Variants in PDE2A observed in about 807,000 individuals in gnomAD.
The protein encoded by PDE2A is cGMP-dependent 3',5'-cyclic phosphodiesterase.
A neutral mutation model predicts 133.6 loss-of-function variants in PDE2A; 53 were observed. That is an observed-to-expected ratio of 0.40 (90% CI 0.32 to 0.50). The LOEUF (loss-of-function observed/expected upper bound fraction) is 0.50. Ranked by LOEUF, PDE2A falls within the 20% of genes least tolerant of loss-of-function variation. The probability of loss-of-function intolerance (pLI) is 0.73; values close to 1 mark genes in which losing one functional copy is unlikely to be tolerated. For synonymous variants in PDE2A, 491 were observed against 490.2 expected (o/e 1.00, Z -0.02); for missense variants, 796 against 1,232.4 (o/e 0.65, Z 5.30).
At chr11:72,646,870 C>T (rs1381446828) in intron 1 of PDE2A, among the ~76,000 whole-genome samples, 1 of 152,212 alleles carries the variant, frequency 6.6e-6, no homozygotes. Flanking sequence ...TAAATATTTA[C>T]TGAGAATGTA....
rs1405530073 is a variant in PDE2A at position 72,597,646 on chromosome 11, G to T, written c.324-27C>A. 6.8e-7 allele frequency: 1 copy of T among 1,471,458 alleles called. No homozygotes were observed. The highest frequency in any genetic ancestry group is 9.5e-7 in the Non-Finnish European group (1 of 1,055,420). 91.2% of individuals were successfully genotyped at this position (1,471,458 alleles called of 1,614,324 possible). ...TGAAAAGAGGACATGATGCCACCTT[G>T]AGAGCCCCCGACTCAGGGAGGAACG... On this transcript the variant is annotated intron_variant, in intron 4 of 30. Transcript: ENST00000334456. The surrounding 1 kb of genome is among the most constrained non-coding windows in gnomAD (Gnocchi z 4.6).
At chr11:72,631,067 T>C in intron 2 of PDE2A, 1 of 1,146,928 alleles carries the variant, frequency 8.7e-7, no homozygotes, top group South Asian at 1.3e-5. Context: ...CTCCCTCCAC[T>C]GAGCTCTCAC....
chr11:72,621,535 G>A (rs1407098068), intron 2 of PDE2A, among the ~76,000 whole-genome samples: 1 of 152,194 alleles, frequency 6.6e-6, no homozygotes, highest in South Asian at 2.1e-4. Context: ...AGTCATTTCA[G>A]GGTCCACAGC....
At chr11:72,641,465 A>T (rs115525047) in intron 2 of PDE2A, among the ~76,000 whole-genome samples, 1 of 152,230 alleles carries the variant, frequency 6.6e-6, no homozygotes, top group African/African-American at 2.4e-5. Context: ...AGACCTAGAG[A>T]AACAGGAGAG....
intron 2 of PDE2A, among the ~76,000 whole-genome samples, chr11:72,609,367 G>A (rs946852870): frequency 6.6e-6 from 1 of 152,156 alleles, no homozygotes; most frequent in African/African-American, 2.4e-5. Context: ...GCTGGGTCCC[G>A]CTCACTTTCC....
At chr11:72,633,109 G>A (rs1047353078) in intron 2 of PDE2A, among the ~76,000 whole-genome samples, 4 of 152,090 alleles carry the variant, frequency 2.6e-5, no homozygotes, top group African/African-American at 4.8e-5. Context: ...CTCCATAGCC[G>A]CCAGTTAGAG....
Position 72,674,137 on chromosome 11 carries a change from G to C in PDE2A, c.71C>G (p.Pro24Arg). 1 of 1,613,084 alleles carries C rather than the reference G, an allele frequency of 6.2e-7. No individual in the cohort carries two copies. Among genetic ancestry groups the C allele is most frequent in the Non-Finnish European group, 8.5e-7 (1 of 1,179,678 alleles). ...CACCCCAGCCCCTCACTATACTCAC[G>C]GCTCAGCCGGTCGCGCTGCCGGGTA... ...QQYPAARPAE[P>R]RGQQVFLKPD... The change falls in exon 1 of 31, where the codon CCG becomes CGG. Residue 24 changes from proline to arginine, a missense_variant and splice_region_variant. By Grantham distance (103) the Pro-to-Arg change is moderately radical. Coordinates refer to ENST00000334456, the MANE Select transcript of PDE2A (RefSeq NM_002599.5).
chr11:72,623,128 C>T (rs1857863789), intron 2 of PDE2A, among the ~76,000 whole-genome samples: 1 of 152,194 alleles, frequency 6.6e-6, no homozygotes, highest in African/African-American at 2.4e-5. Context: ...TCTTCACCTC[C>T]CTCACCATCC....
intron 2 of PDE2A, among the ~76,000 whole-genome samples, chr11:72,627,991 G>C (rs1257986757): frequency 6.6e-6 from 1 of 152,238 alleles, no homozygotes; most frequent in South Asian, 2.1e-4. Flanking sequence ...ATCCCAGGAG[G>C]GTGTGCTGAA....
Position 72,578,620 on chromosome 11 carries a change from C to T in PDE2A, c.2470-106G>A. 1 of 1,019,330 alleles carries T rather than the reference C, an allele frequency of 9.8e-7. No individual in the cohort carries two copies. The allele number at this position is 1,019,330 out of a possible 1,614,324, so 63.1% of individuals were successfully genotyped here. On this transcript the variant is annotated intron_variant, in intron 28 of 30. Transcript: ENST00000334456. This position sits in a 1 kb window ranked among gnomAD's most constrained non-coding sequence, Gnocchi z 4.2. ...GAAAACTGAGGCCCAGGGATTCAGTCCCAGCTCAGGAGCCGTCCCCACCAG... is the reference window on the plus strand; with the variant it reads ...GAAAACTGAGGCCCAGGGATTCAGTTCCAGCTCAGGAGCCGTCCCCACCAG...
rs552063132 is a variant in PDE2A, at chr11:72,659,677, G to A, written c.71+14460C>T. ...GTGGGGTTTATGGCCTCTGGTTGGA[G>A]GAGGATGGGGAGAGGAGTGGACCAT... On this transcript the variant is annotated intron_variant, in intron 1 of 30. Transcript: ENST00000334456. 3.9e-5 allele frequency among the ~76,000 whole-genome samples: 6 copies of A among 152,142 alleles called. No individual in the cohort carries two copies. The South Asian group carries it at 6.2e-4, about 16-fold the overall frequency.
At chr11:72,635,942 G>C in intron 2 of PDE2A, 1 of 1,164,446 alleles carries the variant, frequency 8.6e-7, no homozygotes, top group Non-Finnish European at 1.1e-6. Context: ...CGACCTTCCC[G>C]CTCCCCCTCC....
intron 2 of PDE2A, among the ~76,000 whole-genome samples, chr11:72,624,368 A>G (rs1002980359): frequency 4.6e-5 from 7 of 152,202 alleles, no homozygotes; most frequent in African/African-American, 1.7e-4. Flanking sequence ...TGTCCTACAC[A>G]GCACTGTATG....
At chr11:72,657,454 C>T (rs1050822140) in intron 1 of PDE2A, among the ~76,000 whole-genome samples, 1 of 152,182 alleles carries the variant, frequency 6.6e-6, no homozygotes, top group Non-Finnish European at 1.5e-5. Flanking sequence ...CCAGATGCAG[C>T]CCCATGCCCC....
At chr11:72,588,272 C>T (rs1006040354) in intron 13 of PDE2A, among the ~76,000 whole-genome samples, 3 of 152,180 alleles carry the variant, frequency 2.0e-5, no homozygotes, top group African/African-American at 4.8e-5. Flanking sequence ...CCTCAGTTCT[C>T]GAGATATCCT....
intron 4 of PDE2A, chr11:72,598,812 G>A (rs1856602353): frequency 2.0e-6 from 2 of 985,310 alleles, no homozygotes; most frequent in Non-Finnish European, 2.4e-6. Context: ...TTCCTTCCTG[G>A]CCACTTTAAG....
At chr11:72,604,970 T>G (rs1464338770) in intron 4 of PDE2A, among the ~76,000 whole-genome samples, 168 bp downstream of exon 4, 1 of 152,254 alleles carries the variant, frequency 6.6e-6, no homozygotes, top group Non-Finnish European at 1.5e-5. Flanking sequence ...ACATTGCTTC[T>G]GCCCTTCTGT....
At chr11:72,626,831 TGGGCA>T (rs919887460) in intron 2 of PDE2A, among the ~76,000 whole-genome samples, 1 of 152,198 alleles carries the variant, frequency 6.6e-6, no homozygotes, top group African/African-American at 2.4e-5. Flanking sequence ...CCAGCACTCA[TGGGCA>T]GAGTGTTTTG....
intron 4 of PDE2A, among the ~76,000 whole-genome samples, chr11:72,600,681 T>TC (rs1856702899): frequency 1.3e-5 from 2 of 152,050 alleles, no homozygotes; most frequent in South Asian, 2.1e-4. Flanking sequence ...CCTGCTCCTC[T>TC]CCAGTTCCTC....
Sources: gnomAD v4.1 joint callset for allele counts (sites outside exome capture counted in the v4.1 genomes callset) on GRCh38, gnomAD v4.1.1 for gene constraint, Gnocchi (gnomAD v3.1) non-coding constraint, MANE v1.5 for transcripts, NCBI Gene and HGNC (gene_info 2026-07-23, HGNC 2026-07-21) for gene names.